ANK3: variants seen among roughly 807,000 people sequenced by gnomAD.
The protein encoded by ANK3 is ankyrin 3, also known as ankyrin-3.
In ANK3, 57 loss-of-function variants were observed where a neutral mutation model predicts 370.9. The ratio of observed to expected loss-of-function variants is 0.15; its 90% CI spans 0.12 to 0.19. ANK3 has a LOEUF of 0.19. ANK3 is among the 10% of genes least tolerant of loss of function. The probability of loss-of-function intolerance (pLI) is 1.00; values close to 1 mark genes in which losing one functional copy is unlikely to be tolerated. For missense variants in ANK3, 4,439 were observed against 5,302.1 expected (o/e 0.84, Z 5.06); for synonymous variants, 1,929 against 1,946.3 (o/e 0.99, Z 0.23).
rs1333669872 is a variant in ANK3 at position 60,087,005 on chromosome 10, A to C, written c.3541-121T>G. The C allele has an allele frequency of 1.2e-5, 9 of 733,606 alleles. No homozygotes were observed. In the East Asian group the frequency reaches 2.2e-4, roughly 18 times the overall value. The allele number at this position is 733,606 out of a possible 1,614,324, so 45.4% of individuals were successfully genotyped here. ...AAACAGACAACCAAAAAAAAAAAAA[A>C]AAAACCCAGGTCTTTTTTAACCTTT... On this transcript the variant is annotated intron_variant, in intron 29 of 43. Coordinates refer to ENST00000280772, the MANE Select transcript of ANK3 (RefSeq NM_020987.5).
chr10:60,234,301 C>A (rs1349488100), intron 8 of ANK3, among the ~76,000 whole-genome samples: 1 of 152,056 alleles, frequency 6.6e-6, no homozygotes, highest in Non-Finnish European at 1.5e-5. Flanking sequence ...TGAGGAAGCT[C>A]CACACTGTTT....
intron 1 of ANK3, among the ~76,000 whole-genome samples, chr10:60,379,798 T>C (rs951037411): frequency 1.3e-5 from 2 of 152,202 alleles, no homozygotes; most frequent in African/African-American, 4.8e-5. Context: ...TCTAGTATTC[T>C]GTATCACAGT....
chr10:60,071,280 G>A lies in ANK3; in HGVS notation c.9601C>T (p.Pro3201Ser), dbSNP rs750699498. 13 of 1,613,994 alleles carry A rather than the reference G, an allele frequency of 8.1e-6. 1 individual carries two copies. In the East Asian group the frequency reaches 2.0e-4, roughly 25 times the overall value. Residue 3201 changes from proline (P) to serine (S), a missense_variant, in exon 37 of 44, where the codon CCC becomes TCC. By Grantham distance (74) the Pro-to-Ser change is moderately conservative. This residue lies in a region of ANK3 where 1,601 missense variants were observed against 1,731.7 expected (regional missense o/e 0.92). Coordinates refer to ENST00000280772, the MANE Select transcript of ANK3 (RefSeq NM_020987.5). ...TCCTCTGACTCCTCAGAAACCTCGG[G>A]AATTGGGCTGGGTTTGCCTGGTATA... The part of the protein sequence containing the change: ...AYIPGKPSPI[P>S]EVSEESEEEE...
At chr10:60,623,740 G>C (rs1276164857) in intron 1 of ANK3, among the ~76,000 whole-genome samples, 2 of 152,142 alleles carry the variant, frequency 1.3e-5, no homozygotes, top group Non-Finnish European at 1.5e-5. Flanking sequence ...CCCAAAGAGA[G>C]GTCTGGTCTT....
intron 4 of ANK3, among the ~76,000 whole-genome samples, chr10:60,274,044 T>C (rs2098045440): frequency 6.6e-6 from 1 of 152,190 alleles, no homozygotes; most frequent in Non-Finnish European, 1.5e-5. Context: ...CGTGTGATTA[T>C]AGCTCACTGC....
chr10:60,528,638 T>A (rs2076534486), intron 2 of ANK3, among the ~76,000 whole-genome samples: 1 of 152,118 alleles, frequency 6.6e-6, no homozygotes, highest in Non-Finnish European at 1.5e-5. Context: ...GTTTTGAAAC[T>A]TCAGCATTAT....
intron 13 of ANK3, among the ~76,000 whole-genome samples, chr10:60,199,611 A>G (rs1278907627): frequency 1.3e-5 from 2 of 152,184 alleles, no homozygotes; most frequent in Middle Eastern, 3.4e-3. Context: ...TGACCGAACT[A>G]TCTATCCCAA....
In ANK3 at chr10:60,071,624, C is replaced by T. The variant is rs866679919; in HGVS notation, c.9257G>A (p.Gly3086Glu). The T allele has an allele frequency of 2.5e-6, 4 of 1,613,350 alleles. No individual in the cohort carries two copies. In the East Asian group the frequency reaches 8.9e-5, roughly 36 times the overall value. Residue 3086 changes from glycine (G) to glutamate (E), a missense_variant, in exon 37 of 44, where the codon GGG (glycine) becomes GAG (glutamate). By Grantham distance (98) the Gly-to-Glu change is moderately conservative. Coordinates refer to ENST00000280772, the MANE Select transcript of ANK3 (RefSeq NM_020987.5). The stretch of plus-strand genomic sequence containing the variant: ...AACGGGTAAAGTTTTTATCTCTTTC[C>T]CTCCCTCTGTCTGGGCTAGTGGTGC... ...KLAPLAQTEG[G>E]KEIKTLPVYV...
intron 1 of ANK3, among the ~76,000 whole-genome samples, chr10:60,659,842 G>A (rs1196113462): frequency 1.3e-5 from 2 of 152,024 alleles, no homozygotes; most frequent in East Asian, 3.9e-4. Context: ...GGTATATAAA[G>A]GAATCTGATA....
In ANK3 at chr10:60,621,090, T is replaced by G. The variant is rs1364411073; in HGVS notation, c.58-5866A>C. On this transcript the variant is annotated intron_variant, in intron 1 of 43. Coordinates refer to the ANK3 transcript ENST00000373827. ...TCTGTGACCTGCCTGCAATCTGCTCTACTGAAATAACACTGGTTAAATTAG... is the reference window on the plus strand; with the variant it reads ...TCTGTGACCTGCCTGCAATCTGCTCGACTGAAATAACACTGGTTAAATTAG... Among the ~76,000 whole-genome samples the G allele has an allele frequency of 2.6e-5, 4 of 152,350 alleles. No individual in the cohort carries two copies. In the East Asian group the frequency reaches 7.7e-4, roughly 29 times the overall value.
At chr10:60,240,107 T>TACATATATATAC (rs1565913923) in intron 7 of ANK3, among the ~76,000 whole-genome samples, 2 of 114,626 alleles carry the variant, frequency 1.7e-5, no homozygotes, top group East Asian at 5.3e-4. Context: ...CACACATAAA[T>TACATATATATAC]ACATATATAT....
chr10:60,209,869 A>C (rs1296510840), intron 9 of ANK3, among the ~76,000 whole-genome samples: 1 of 152,188 alleles, frequency 6.6e-6, no homozygotes, highest in Non-Finnish European at 1.5e-5. Flanking sequence ...ATAAAAAAAA[A>C]TTCTCTAGCA....
Position 60,470,803 on chromosome 10 carries a change from C to A in ANK3, c.96+144383G>T, listed in dbSNP as rs544211226. Among the ~76,000 whole-genome samples, 4 of 152,138 alleles carry A rather than the reference C, an allele frequency of 2.6e-5. No homozygotes were observed. In the East Asian group the frequency reaches 7.7e-4, roughly 29 times the overall value. On this transcript the variant is annotated intron_variant, in intron 2 of 43. Transcript: ENST00000373827. ...AATAAAGAAGCCAAAGAATAAAAAA[C>A]AAACAAACAAAAAACAAGTATAAAA...
rs551131662 is a variant in ANK3 at position 60,284,773 on chromosome 10, C to A, written c.115-5134G>T. Among the ~76,000 whole-genome samples the A allele has an allele frequency of 2.0e-5, 3 of 151,992 alleles. No homozygotes were observed. In the South Asian group the frequency reaches 6.2e-4, roughly 32 times the overall value. On this transcript the variant is annotated intron_variant, in intron 1 of 43. Coordinates refer to ENST00000280772, the MANE Select transcript of ANK3 (RefSeq NM_020987.5). ...CCAGTGAGTACATAACATAGCTCTGCTCCTTTGCTTCTAAACTTTTCTGGG... is the reference window on the plus strand; with the variant it reads ...CCAGTGAGTACATAACATAGCTCTGATCCTTTGCTTCTAAACTTTTCTGGG...
chr10:60,380,789 T>C (rs2061452280), intron 1 of ANK3, among the ~76,000 whole-genome samples: 3 of 152,210 alleles, frequency 2.0e-5, no homozygotes, highest in Admixed American at 2.0e-4. Flanking sequence ...TCTTCTGTTT[T>C]GTTTAAGACA....
chr10:60,454,907 GA>G (rs1380250973), intron 2 of ANK3, among the ~76,000 whole-genome samples: 1 of 152,108 alleles, frequency 6.6e-6, no homozygotes, highest in African/African-American at 2.4e-5. Flanking sequence ...TGAGCAGGGG[GA>G]AAGTAAGATC....
At chr10:60,522,827 T>C (rs996336350) in intron 2 of ANK3, among the ~76,000 whole-genome samples, 2 of 152,040 alleles carry the variant, frequency 1.3e-5, no homozygotes, top group Non-Finnish European at 2.9e-5. Flanking sequence ...AATCCTTAAA[T>C]TAATGAGGAA....
intron 2 of ANK3, among the ~76,000 whole-genome samples, chr10:60,473,965 A>C (rs1398081143): frequency 1.7e-5 from 1 of 58,270 alleles, no homozygotes; most frequent in African/African-American, 6.1e-5. Flanking sequence ...CCCTGTTTCT[A>C]CAAAAAAAAA....
intron 23 of ANK3, among the ~76,000 whole-genome samples, chr10:60,161,730 G>A: frequency 6.6e-6 from 1 of 152,128 alleles, no homozygotes. Flanking sequence ...ATGGTTTCAG[G>A]AGGCTGGAAA....
Sources: allele counts gnomAD v4.1 joint callset (sites outside exome capture counted in the v4.1 genomes callset), GRCh38; gene constraint gnomAD v4.1.1; regional missense constraint gnomAD v4.1.1; transcripts MANE v1.5; gene names NCBI Gene and HGNC (gene_info 2026-07-23, HGNC 2026-07-21).